PRRG1: variants seen among roughly 807,000 people sequenced by gnomAD.
The protein encoded by PRRG1 is transmembrane gamma-carboxyglutamic acid protein 1.
In PRRG1, 5 loss-of-function variants were observed where a neutral mutation model predicts 11.8. That is an observed-to-expected ratio of 0.42 (90% CI 0.22 to 0.89). The LOEUF (loss-of-function observed/expected upper bound fraction) is 0.89. Among genes scored for constraint, PRRG1 ranks in the 40% least tolerant of loss-of-function variants. PRRG1 has a pLI of 0.28. For synonymous variants in PRRG1, 66 were observed against 60.4 expected, an observed-to-expected ratio of 1.09 and a Z score of -0.43; for missense variants, 155 against 166.1, an observed-to-expected ratio of 0.93 and a Z score of 0.37.
intron 3 of PRRG1, among the ~76,000 whole-genome samples, chrX:37,450,992 T>TTTTGTTTTGTTTTGTTTTGTTTTG (rs1921108585): frequency 9.4e-6 from 1 of 106,500 alleles, no homozygotes; most frequent in African/African-American, 3.5e-5. Context: ...ATTTTTGCTG[T>TTTTGTTTTGTTTTGTTTTGTTTTG]TTTTGTTTTG....
chrX:37,392,525 C>CAA (rs782287901), intron 1 of PRRG1, among the ~76,000 whole-genome samples: 2 of 90,848 alleles, frequency 2.2e-5, no homozygotes, highest in Admixed American at 1.2e-4. Flanking sequence ...CCTGTCTATA[C>CAA]AAAAAAAAAA....
In PRRG1 at chrX:37,454,747, G is replaced by A. The variant is rs1921288501; in HGVS notation, c.*1126G>A. ...TTATGCTAGGTGCACAATAAATCTA[G>A]TAATAGCCCCACACAGATCTCATCA... On this transcript the variant is annotated 3_prime_UTR_variant, in exon 4 of 4. Transcript: ENST00000378628. The A allele has an allele frequency of 9.0e-6, 1 of 111,710 alleles. No homozygotes were observed. The highest frequency in any genetic ancestry group is 1.9e-5 in the Non-Finnish European group (1 of 53,200). The allele number at this position is 111,710 out of a possible 1,213,427, so 9.2% of individuals were successfully genotyped here.
At chrX:37,367,751 T>A (rs1053569033) in intron 1 of PRRG1, among the ~76,000 whole-genome samples, 1 of 112,368 alleles carries the variant, frequency 8.9e-6, no homozygotes, top group Admixed American at 9.4e-5. Context: ...CTATAAAAGC[T>A]ATGAATGCTG....
Position 37,370,229 on chromosome X carries a change from C to T in PRRG1, c.-42+20834C>T, listed in dbSNP as rs189383575. On this transcript the variant is annotated intron_variant, in intron 1 of 3. Coordinates refer to ENST00000378628, the MANE Select transcript of PRRG1 (RefSeq NM_001142395.2). ...GAGTATATACCACATTTTCTTTATC[C>T]ATGTATCTGTTGAAGGATACTTAGG... Among the ~76,000 whole-genome samples, 49 of 112,154 alleles carry T rather than the reference C, an allele frequency of 4.4e-4. 1 individual carries two copies. Among genetic ancestry groups the T allele is most frequent in the Admixed American group, 3.5e-3 (37 of 10,690 alleles).
chrX:37,394,021 C>G (rs1290312002), intron 1 of PRRG1, among the ~76,000 whole-genome samples: 1 of 111,769 alleles, frequency 8.9e-6, no homozygotes, highest in Non-Finnish European at 1.9e-5. Flanking sequence ...AAAACCCAGT[C>G]CTAAGATCCT....
At chrX:37,440,769 T>C (rs1392790346) in intron 3 of PRRG1, 5 of 509,920 alleles carry the variant, frequency 9.8e-6, no homozygotes, top group Non-Finnish European at 1.4e-5. Flanking sequence ...TTTATTTTAT[T>C]ATTGTTTTAA....
intron 1 of PRRG1, among the ~76,000 whole-genome samples, chrX:37,398,986 A>G (rs782656186): frequency 0.023 from 2,553 of 112,057 alleles, 73 homozygotes; most frequent in African/African-American, 0.077. Context: ...CTATGTGAAA[A>G]GACCAAATCT....
At position 37,376,551 on chromosome X, in the gene PRRG1, G is replaced by GTATATATATATATATA. The variant is rs542194109; in HGVS notation, c.-42+27162_-42+27177dup. ...TCAGTGTTTAGTCAGAAATGTGAGTGTATATATATATATATATATATGTGC... is the reference window on the plus strand; with the variant it reads ...TCAGTGTTTAGTCAGAAATGTGAGTGTATATATATATATATATATATATATATATATATATATGTGC... On this transcript the variant is annotated intron_variant, in intron 1 of 3. Transcript: ENST00000378628. Among the ~76,000 whole-genome samples, 193 of 26,901 alleles carry GTATATATATATATATA rather than the reference G, an allele frequency of 7.2e-3. 39 individuals carry two copies. The highest frequency in any genetic ancestry group is 0.1 in the Middle Eastern group (2 of 20). The allele number at this position is 26,901 out of a possible 115,157, so 23.4% of individuals were successfully genotyped here. A position where few individuals can be genotyped will look rare whatever the true frequency, so the allele number is the denominator to read the frequency against.
chrX:37,350,220 C>T (rs782302541), intron 1 of PRRG1, among the ~76,000 whole-genome samples: 28 of 112,212 alleles, frequency 2.5e-4, no homozygotes, highest in Non-Finnish European at 4.7e-4. Flanking sequence ...TGGCTCCAGC[C>T]ACTGGTTTTT....
intron 3 of PRRG1, among the ~76,000 whole-genome samples, chrX:37,450,577 G>A: frequency 1.8e-5 from 2 of 112,066 alleles, no homozygotes; most frequent in Middle Eastern, 9.2e-3. Context: ...TAATCTTTGG[G>A]TATTCCAAAG....
intron 2 of PRRG1, among the ~76,000 whole-genome samples, chrX:37,420,849 GA>G (rs782501802): frequency 1.8e-5 from 2 of 110,100 alleles, no homozygotes; most frequent in African/African-American, 6.6e-5. Flanking sequence ...GCTACAGAGC[GA>G]AACTCTGTCT....
chrX:37,414,341 T>G (rs1256001720), intron 2 of PRRG1, among the ~76,000 whole-genome samples: 1 of 112,538 alleles, frequency 8.9e-6, no homozygotes, highest in Non-Finnish European at 1.9e-5. Context: ...TTTATAGAAG[T>G]AAGTTGAGTC....
rs887055698 is a variant in PRRG1 at position 37,435,832 on chromosome X, G to A, written c.171+9832G>A. Among the ~76,000 whole-genome samples, 6 of 111,182 alleles carry A rather than the reference G, an allele frequency of 5.4e-5. No individual in the cohort carries two copies. The East Asian group carries it at 1.7e-3, about 31-fold the overall frequency. On this transcript the variant is annotated intron_variant, in intron 3 of 3. Coordinates refer to ENST00000378628, the MANE Select transcript of PRRG1 (RefSeq NM_001142395.2). Reference sequence around the variant, plus strand: ...ATTCTGGAAAAAAAGGACATTAATGGAAAAACTAATATAATCTAAAAAAAG... The same window carrying A: ...ATTCTGGAAAAAAAGGACATTAATGAAAAAACTAATATAATCTAAAAAAAG...
At chrX:37,428,434 C>A (rs1932795511) in intron 3 of PRRG1, among the ~76,000 whole-genome samples, 1 of 111,638 alleles carries the variant, frequency 9.0e-6, no homozygotes, top group Admixed American at 9.4e-5. Context: ...TTGGCCAAAA[C>A]AAAGGGTATA....
chrX:37,360,840 T>C lies in PRRG1; in HGVS notation c.-42+11445T>C, dbSNP rs1333852120. On this transcript the variant is annotated intron_variant, in intron 1 of 3. Coordinates refer to ENST00000378628, the MANE Select transcript of PRRG1 (RefSeq NM_001142395.2). ...ACCTGAGGGACCATAGAAATAATGT[T>C]GCCATTGCAAGTTGCTTTTTGAATC... Among the ~76,000 whole-genome samples the C allele has an allele frequency of 2.7e-5, 3 of 112,638 alleles. No homozygotes were observed. In the Admixed American group the frequency reaches 2.8e-4, roughly 11 times the overall value.
At chrX:37,407,676 A>G (rs1318060287) in intron 2 of PRRG1, among the ~76,000 whole-genome samples, 5 of 112,225 alleles carry the variant, frequency 4.5e-5, no homozygotes, top group Non-Finnish European at 1.9e-5. Context: ...TGAGAGTTCT[A>G]AAGTGTAATG....
In PRRG1 at chrX:37,425,764, C is replaced by G. The variant is rs574138477; in HGVS notation, c.11-76C>G. On this transcript the variant is annotated intron_variant, in intron 2 of 3. Transcript: ENST00000378628. ...AGGTTTAGGATGTTGGCTATGTTTT[C>G]TAAAGAGCATCTAGCAGTTTTCATC... 1.0e-4 allele frequency: 95 copies of G among 930,906 alleles called. No individual in the cohort carries two copies. The South Asian group carries it at 2.5e-3, about 25-fold the overall frequency. 76.7% of individuals were successfully genotyped at this position (930,906 alleles called of 1,213,427 possible).
intron 3 of PRRG1, among the ~76,000 whole-genome samples, chrX:37,432,179 C>T (rs1184991284): frequency 1.8e-5 from 2 of 109,385 alleles, no homozygotes; most frequent in African/African-American, 3.4e-5. Flanking sequence ...GCTCCGCCTC[C>T]CGGGTTCACG....
intron 3 of PRRG1, chrX:37,440,741 C>T: frequency 4.0e-6 from 2 of 505,561 alleles, no homozygotes; most frequent in Non-Finnish European, 7.0e-6. Flanking sequence ...TGTTGCATTC[C>T]ACTTTGCTGT....
Sources: gnomAD v4.1 joint callset for allele counts (sites outside exome capture counted in the v4.1 genomes callset) on GRCh38, gnomAD v4.1.1 for gene constraint, MANE v1.5 for transcripts, NCBI Gene and HGNC (gene_info 2026-07-23, HGNC 2026-07-21) for gene names.